RHOU: variants seen among roughly 807,000 people sequenced by gnomAD.
RHOU encodes the protein rho-related GTP-binding protein RhoU.
Under a neutral mutation model 12.6 loss-of-function variants are expected in RHOU, and 8 were observed. The observed-to-expected ratio is 0.64, with a 90% CI of 0.37 to 1.15. The LOEUF (loss-of-function observed/expected upper bound fraction) is 1.15, where lower values mean the gene tolerates loss of function less well. RHOU is among the 50% of genes most tolerant of loss of function. The pLI is 0.01. For synonymous variants in RHOU, 161 were observed against 147.4 expected, an observed-to-expected ratio of 1.09 and a Z score of -0.67; for missense variants, 258 against 347.0, an observed-to-expected ratio of 0.74 and a Z score of 2.04.
the RHOU span, among the ~76,000 whole-genome samples, chr1:228,723,310 A>C: frequency 6.6e-6 from 1 of 152,244 alleles, no homozygotes; most frequent in Admixed American, 6.5e-5. Flanking sequence ...CCAGGAGAGG[A>C]GACCCCAAGT....
chr1:228,676,775 G>A, the RHOU span, among the ~76,000 whole-genome samples: 1 of 152,088 alleles, frequency 6.6e-6, no homozygotes, highest in African/African-American at 2.4e-5. Flanking sequence ...ATTCTCAAGG[G>A]TGGGGAGAAT....
In RHOU at chr1:228,737,454, C is replaced by T. The variant is rs1394777874; in HGVS notation, c.263-219C>T. ...CATCAAAGCGTTCAGGGATTTGCTG[C>T]CTGGTTCACGGTAATGGAGTGACTT... On this transcript the variant is annotated intron_variant, in intron 1 of 2. Coordinates refer to ENST00000366691, the MANE Select transcript of RHOU (RefSeq NM_021205.6). The surrounding 1 kb of genome is among the most constrained non-coding windows in gnomAD (Gnocchi z 4.1). 1.3e-5 allele frequency among the ~76,000 whole-genome samples: 2 copies of T among 152,144 alleles called. No homozygotes were observed. The highest frequency in any genetic ancestry group is 2.4e-5 in the African/African-American group (1 of 41,436).
chr1:228,680,601 G>T, the RHOU span, among the ~76,000 whole-genome samples: 1 of 152,164 alleles, frequency 6.6e-6, no homozygotes, highest in Non-Finnish European at 1.5e-5. Context: ...AATTCCTGTT[G>T]TGGGGTTTGA....
the RHOU span, among the ~76,000 whole-genome samples, chr1:228,705,770 G>A: frequency 2.0e-5 from 3 of 152,142 alleles, no homozygotes; most frequent in African/African-American, 4.8e-5. Flanking sequence ...AAGGCCGGGC[G>A]CGGTGGGTCA....
At chr1:228,647,538 G>T in the RHOU span, among the ~76,000 whole-genome samples, 1 of 152,190 alleles carries the variant, frequency 6.6e-6, no homozygotes, top group Non-Finnish European at 1.5e-5. Flanking sequence ...GGAGATCTTG[G>T]CTGGCGTCTG....
intron 2 of RHOU, among the ~76,000 whole-genome samples, chr1:228,742,661 C>G (rs1343897156): frequency 6.6e-6 from 1 of 152,202 alleles, no homozygotes; most frequent in Admixed American, 6.5e-5. Context: ...TGACAATGGA[C>G]TGACAAAGGT....
At chr1:228,671,712 CAAAA>C in the RHOU span, among the ~76,000 whole-genome samples, 331 of 65,232 alleles carry the variant, frequency 5.1e-3, 1 homozygote, top group African/African-American at 0.014. Flanking sequence ...GACTCCATCT[CAAAA>C]AAAAAAAAAA....
the RHOU span, among the ~76,000 whole-genome samples, chr1:228,707,101 C>CATACATATATATATATATATAT: frequency 1.6e-4 from 13 of 79,550 alleles, no homozygotes; most frequent in Non-Finnish European, 2.1e-4. Context: ...GACATATATA[C>CATACATATATATATATATATAT]ATACATATAT....
the RHOU span, among the ~76,000 whole-genome samples, chr1:228,715,653 A>C: frequency 6.6e-6 from 1 of 152,274 alleles, no homozygotes; most frequent in East Asian, 1.9e-4. Context: ...TACATTCTTA[A>C]GATGTACCGT....
chr1:228,724,639 C>T, the RHOU span, among the ~76,000 whole-genome samples: 1 of 152,160 alleles, frequency 6.6e-6, no homozygotes, highest in Non-Finnish European at 1.5e-5. Context: ...TTAAGAGCTA[C>T]TCTTTTAGCC....
the RHOU span, among the ~76,000 whole-genome samples, chr1:228,658,472 T>A: frequency 0.017 from 2,662 of 152,186 alleles, 64 homozygotes; most frequent in African/African-American, 0.061. Flanking sequence ...AGCAACGTTG[T>A]GACATCTTGG....
the RHOU span, among the ~76,000 whole-genome samples, chr1:228,666,541 G>GT: frequency 6.6e-6 from 1 of 152,114 alleles, no homozygotes. Context: ...TTACCTATCT[G>GT]TTTTTTTGTA....
At chr1:228,733,708 G>A (rs1201271584), upstream of RHOU, among the ~76,000 whole-genome samples, 3 of 152,220 alleles carry the variant, frequency 2.0e-5, no homozygotes, top group Non-Finnish European at 2.9e-5. Context: ...TAGTGTTGGG[G>A]AAAGTAAGAC....
At chr1:228,654,093 C>T in the RHOU span, among the ~76,000 whole-genome samples, 5 of 151,008 alleles carry the variant, frequency 3.3e-5, no homozygotes, top group South Asian at 2.1e-4. Context: ...TTCCTGAAGC[C>T]CTGTAAGTTG....
chr1:228,724,237 A>G, the RHOU span, among the ~76,000 whole-genome samples: 1 of 152,168 alleles, frequency 6.6e-6, no homozygotes, highest in African/African-American at 2.4e-5. Flanking sequence ...CTGCTACACA[A>G]TCTATCTTAT....
chr1:228,737,628 G>C lies in RHOU; in HGVS notation c.263-45G>C. ...CTAAAACTATTAGTATTCCGAAAGG[G>C]GTTAAAAGACACCTCCTGATTGTCA... On this transcript the variant is annotated intron_variant, in intron 1 of 2. Transcript: ENST00000366691. The surrounding 1 kb of genome is among the most constrained non-coding windows in gnomAD (Gnocchi z 4.1). The C allele has an allele frequency of 1.3e-6, 2 of 1,571,458 alleles. No homozygotes were observed. Among genetic ancestry groups the C allele is most frequent in the Non-Finnish European group, 1.8e-6 (2 of 1,141,108 alleles).
chr1:228,737,559 TA>T lies in RHOU; in HGVS notation c.263-110del. The T allele has an allele frequency of 9.4e-7, 1 of 1,067,084 alleles. No individual in the cohort carries two copies. The highest frequency in any genetic ancestry group is 1.4e-6 in the Non-Finnish European group (1 of 698,946). The allele number at this position is 1,067,084 out of a possible 1,614,324, so 66.1% of individuals were successfully genotyped here. On this transcript the variant is annotated intron_variant, in intron 1 of 2. Transcript: ENST00000366691. The surrounding 1 kb of genome is among the most constrained non-coding windows in gnomAD (Gnocchi z 4.1). ...CTAGTCTTTAATTCATTAGAGGACC[TA>T]AAATAGGAGCAAAGGGGTTTGGAGT...
At chr1:228,648,874 T>G in the RHOU span, among the ~76,000 whole-genome samples, 1 of 152,074 alleles carries the variant, frequency 6.6e-6, no homozygotes, top group African/African-American at 2.4e-5. Flanking sequence ...CTTTCTTTCT[T>G]TCTTTCTTTC....
In RHOU at chr1:228,743,585, CA is replaced by C; in HGVS notation, c.629del (p.Asn210ThrfsTer34). On this transcript the variant is annotated frameshift_variant, in exon 3 of 3. Transcript: ENST00000366691. LOFTEE classifies it high-confidence loss of function. The surrounding 1 kb of genome is among the most constrained non-coding windows in gnomAD (Gnocchi z 5.1). The part of the protein sequence containing the change: ...ASYIECSALT[Q>X]KNLKEVFDAA... ...CTACATCGAGTGTTCAGCCTTGACT[CA>C]AAAAAACCTCAAAGAGGTCTTTGAT... is the stretch of plus-strand genomic sequence containing the variant. 1 of 1,614,056 alleles carries C rather than the reference CA, an allele frequency of 6.2e-7. No homozygotes were observed. Among genetic ancestry groups the C allele is most frequent in the Non-Finnish European group, 8.5e-7 (1 of 1,180,032 alleles).
Sources: allele counts gnomAD v4.1 joint callset (sites outside exome capture counted in the v4.1 genomes callset), GRCh38; gene constraint gnomAD v4.1.1; non-coding constraint Gnocchi (gnomAD v3.1); transcripts MANE v1.5; gene names NCBI Gene and HGNC (gene_info 2026-07-23, HGNC 2026-07-21).